The following FYCO1 variants were observed in gnomAD, a reference collection of about 807,000 sequenced individuals.
FYCO1 encodes the protein FYVE and coiled-coil domain-containing protein 1.
Under a neutral mutation model 165.1 loss-of-function variants are expected in FYCO1, and 122 were observed. The observed-to-expected ratio is 0.74, with a 90% confidence interval of 0.64 to 0.86. The LOEUF (loss-of-function observed/expected upper bound fraction) is 0.86. Among genes scored for constraint, FYCO1 ranks in the 40% least tolerant of loss-of-function variants. FYCO1 has a pLI of 0.00. For synonymous variants in FYCO1, 648 were observed against 742.5 expected, an observed-to-expected ratio of 0.87 and a Z score of 2.07; for missense variants, 1,702 against 1,810.3, an observed-to-expected ratio of 0.94 and a Z score of 1.09.
rs183837615 is a variant in FYCO1 at position 45,986,253 on chromosome 3, T to C, written c.-112-1231A>G. On this transcript the variant is annotated intron_variant, in intron 1 of 17. Coordinates refer to ENST00000296137, the MANE Select transcript of FYCO1 (RefSeq NM_024513.4). ...ACTCAGCCATTGTCACTACAGCAAA[T>C]GACCAACCACTTCCACCGGCTCGAG... Among the ~76,000 whole-genome samples the C allele has an allele frequency of 3.1e-3, 469 of 152,250 alleles. 3 individuals carry two copies. Among genetic ancestry groups the C allele is most frequent in the Non-Finnish European group, 5.7e-3 (386 of 68,006 alleles).
At chr3:45,981,430 C>T in intron 3 of FYCO1, 140 bp downstream of exon 3, 1 of 694,352 alleles carries the variant, frequency 1.4e-6, no homozygotes, top group Middle Eastern at 2.3e-4. Context: ...GCACTGGGGA[C>T]TGCTCTGACC....
At position 45,962,084 on chromosome 3, in the gene FYCO1, G is replaced by C. The variant is rs1705725462; in HGVS notation, c.3437+141C>G. 1 of 909,070 alleles carries C rather than the reference G, an allele frequency of 1.1e-6. No homozygotes were observed. Among genetic ancestry groups the C allele is most frequent in the African/African-American group, 1.6e-5 (1 of 61,616 alleles). 56.3% of individuals were successfully genotyped at this position (909,070 alleles called of 1,614,324 possible). On this transcript the variant is annotated intron_variant, in intron 11 of 17. Transcript: ENST00000296137. This position sits in a 1 kb window ranked among gnomAD's most constrained non-coding sequence, Gnocchi z 4.4. ...CTCTAGTACTGGGGAAAGTGAGATGGAGAAGGAGAGAGGGGCTCCTGAGAC... is the reference window on the plus strand; with the variant it reads ...CTCTAGTACTGGGGAAAGTGAGATGCAGAAGGAGAGAGGGGCTCCTGAGAC...
intron 14 of FYCO1, among the ~76,000 whole-genome samples, chr3:45,951,230 TA>T (rs1423226088): frequency 2.0e-5 from 3 of 152,146 alleles, no homozygotes; most frequent in Non-Finnish European, 4.4e-5. Flanking sequence ...TCCCAGGCAT[TA>T]GACACTGGGC....
intron 1 of FYCO1, among the ~76,000 whole-genome samples, chr3:45,990,023 C>T (rs1707493108): frequency 6.6e-6 from 1 of 152,200 alleles, no homozygotes; most frequent in South Asian, 2.1e-4. Flanking sequence ...GCATCTACTC[C>T]TGCTCCAAAG....
chr3:45,958,007 TGAAG>T (rs2125837486), intron 13 of FYCO1, among the ~76,000 whole-genome samples: 1 of 152,320 alleles, frequency 6.6e-6, no homozygotes, highest in South Asian at 2.1e-4. Flanking sequence ...TCCTTGGACA[TGAAG>T]GAAGAGCGAG....
intron 3 of FYCO1, 101 bp from the exon 4 acceptor site, chr3:45,979,931 C>A (rs1706964426): frequency 7.2e-7 from 1 of 1,389,828 alleles, no homozygotes; most frequent in Admixed American, 1.7e-5. Flanking sequence ...GGTGCCAGCA[C>A]TGGGTGAGGC....
At position 45,962,281 on chromosome 3, in the gene FYCO1, C is replaced by A; in HGVS notation, c.3381G>T (p.Leu1127=). Residue 1127 remains leucine, a synonymous_variant, in exon 11 of 18, where the codon CTG becomes CTT. Transcript: ENST00000296137. The surrounding 1 kb of genome is among the most constrained non-coding windows in gnomAD (Gnocchi z 4.4). ...ERNDQKMLAD[L]DDLNRTKKYL... ...ACTTCTTGGTTCTGTTGAGGTCATC[C>A]AGGTCAGCAAGCATCTTCTGGTCAT... The A allele has an allele frequency of 8.7e-6, 14 of 1,614,234 alleles. No individual in the cohort carries two copies. Among genetic ancestry groups the A allele is most frequent in the Non-Finnish European group, 1.1e-5 (13 of 1,180,038 alleles).
At chr3:45,942,240 G>A (rs1230844713) in intron 14 of FYCO1, among the ~76,000 whole-genome samples, 1 of 152,258 alleles carries the variant, frequency 6.6e-6, no homozygotes, top group Admixed American at 6.5e-5. Flanking sequence ...GTGACTGCCA[G>A]GGATGTGTGT....
At chr3:45,946,350 G>C in intron 14 of FYCO1, 1 of 724,014 alleles carries the variant, frequency 1.4e-6, no homozygotes, top group East Asian at 2.5e-5. Flanking sequence ...CATCCCAGTG[G>C]GTGGGTTTAG....
rs1382577403 is a variant in FYCO1 at position 45,981,615 on chromosome 3, G to A, written c.117C>T (p.Ser39=). The part of the protein sequence containing the change: ...QEAGEPITDD[S]TSLHKFSYKL... ...TATAAGAAAATTTATGCAAGCTGGT[G>A]CTGTCATCCGTGATGGGTTCCCCTG... Residue 39 remains serine (S), a synonymous_variant, in exon 3 of 18, where the codon AGC becomes AGT. Coordinates refer to ENST00000296137, the MANE Select transcript of FYCO1 (RefSeq NM_024513.4). 4 of 1,613,778 alleles carry A rather than the reference G, an allele frequency of 2.5e-6. No homozygotes were observed. Among genetic ancestry groups the A allele is most frequent in the South Asian group, 1.1e-5 (1 of 91,082 alleles).
At chr3:45,978,823 T>C (rs960878230) in intron 4 of FYCO1, among the ~76,000 whole-genome samples, 5 of 151,344 alleles carry the variant, frequency 3.3e-5, no homozygotes, top group Admixed American at 2.6e-4. Flanking sequence ...TGTGAGTGTG[T>C]ATGTGAAGTA....
At chr3:45,979,053 G>A (rs1396643595) in intron 4 of FYCO1, among the ~76,000 whole-genome samples, 1 of 151,792 alleles carries the variant, frequency 6.6e-6, no homozygotes, top group African/African-American at 2.4e-5. Context: ...GTAGAGACGG[G>A]GTTTCACTGT....
chr3:45,966,287 C>T lies in FYCO1; in HGVS notation c.3047G>A (p.Ser1016Asn), dbSNP rs1374835987. The T allele has an allele frequency of 6.2e-6, 10 of 1,614,036 alleles. No homozygotes were observed. The highest frequency in any genetic ancestry group is 3.3e-4 in the Middle Eastern group (2 of 6,062). ...QLSAEIMDYQ[S>N]RLKNAGEECK... ...TGAAGCTAGGATTACCTTAAGTCTG[C>T]TCTGGTAGTCCATGATTTCAGCACT... Residue 1016 changes from serine to asparagine, a missense_variant, in exon 8 of 18, where the codon AGC becomes AAC. Coordinates refer to ENST00000296137, the MANE Select transcript of FYCO1 (RefSeq NM_024513.4).
At chr3:45,931,426 AATT>A (rs1703623729) in intron 15 of FYCO1, 145 bp from the exon 16 acceptor site, 1 of 737,684 alleles carries the variant, frequency 1.4e-6, no homozygotes, top group Non-Finnish European at 2.4e-6. Context: ...CAACATGCTT[AATT>A]ATGGGATGGG....
At position 45,973,111 on chromosome 3, in the gene FYCO1, A is replaced by G; in HGVS notation, c.516T>C (p.Asp172=). 6.2e-7 allele frequency: 1 copy of G among 1,614,258 alleles called. No individual in the cohort carries two copies. The highest frequency in any genetic ancestry group is 8.5e-7 in the Non-Finnish European group (1 of 1,180,046). ...ACCTGGCAAATGTTGGCCAGGCAGC[A>G]TCCAAGTCAAAGCCCCTCGACGCCA... is the stretch of plus-strand genomic sequence containing the variant. ...FDLASRGFDL[D]AAWPTFARRT... is the part of the protein sequence containing the mutation. Residue 172 remains aspartate, a synonymous_variant, in exon 6 of 18, where the codon GAT becomes GAC. Coordinates refer to ENST00000296137, the MANE Select transcript of FYCO1 (RefSeq NM_024513.4).
chr3:45,958,937 C>T lies in FYCO1; in HGVS notation c.3588-318G>A, dbSNP rs75334783. Among the ~76,000 whole-genome samples, 543 of 152,350 alleles carry T rather than the reference C, an allele frequency of 3.6e-3. 8 individuals are homozygous for T. Among genetic ancestry groups the T allele is most frequent in the African/African-American group, 0.012 (504 of 41,582 alleles). On this transcript the variant is annotated intron_variant, in intron 12 of 17. Transcript: ENST00000296137. ...AAGGCTCTAAGAGACCACAGACCTT[C>T]ACAGCTCTGCTGATTATTCTGCACC...
At position 45,930,841 on chromosome 3, in the gene FYCO1, G is replaced by C. The variant is rs899606278; in HGVS notation, c.4251+230C>G. 2.7e-5 allele frequency among the ~76,000 whole-genome samples: 4 copies of C among 149,066 alleles called. No individual in the cohort carries two copies. In the South Asian group the frequency reaches 6.2e-4, roughly 23 times the overall value. On this transcript the variant is annotated intron_variant, in intron 16 of 17. Transcript: ENST00000296137. ...GGCAGACTGTACCTGTTTCACACAG[G>C]TGTGACCTTCAGACATTTGAGAACA...
Position 45,921,472 on chromosome 3 carries a change from C to G in FYCO1, c.*293G>C, listed in dbSNP as rs1703088461. On this transcript the variant is annotated 3_prime_UTR_variant, in exon 18 of 18. Coordinates refer to ENST00000296137, the MANE Select transcript of FYCO1 (RefSeq NM_024513.4). ...TAGCCAACTGTGCTCCCAGGAGAGG[C>G]TGATGGTCTCCTGGGTGTTTAAACC... 4.8e-6 allele frequency: 2 copies of G among 414,154 alleles called. No homozygotes were observed. The highest frequency in any genetic ancestry group is 4.2e-5 in the South Asian group (2 of 47,538). The allele number at this position is 414,154 out of a possible 1,614,324, so 25.7% of individuals were successfully genotyped here.
chr3:45,958,314 G>A (rs2125837878), intron 13 of FYCO1, 94 bp downstream of exon 13: 2 of 1,115,508 alleles, frequency 1.8e-6, no homozygotes, highest in Non-Finnish European at 2.7e-6. Context: ...AGAAAACACT[G>A]AATTCAGCTT....
Sources: gnomAD v4.1 joint callset for allele counts (sites outside exome capture counted in the v4.1 genomes callset) on GRCh38, gnomAD v4.1.1 for gene constraint, Gnocchi (gnomAD v3.1) non-coding constraint, MANE v1.5 for transcripts, NCBI Gene and HGNC (gene_info 2026-07-23, HGNC 2026-07-21) for gene names.